Variants in RPL34 observed in about 807,000 individuals in gnomAD.
The protein encoded by RPL34 is ribosomal protein L34.
In RPL34, 2 loss-of-function variants were observed where a neutral mutation model predicts 16.3. The observed-to-expected ratio is 0.12, with a 90% CI of 0.05 to 0.39. RPL34 has a LOEUF of 0.39. Among genes scored for constraint, RPL34 ranks in the 10% least tolerant of loss-of-function variants. The pLI, the probability that RPL34 is intolerant of heterozygous loss-of-function variation, is 0.99. For synonymous variants in RPL34, 47 were observed against 48.5 expected (o/e 0.97, Z 0.13); for missense variants, 82 against 148.8 (o/e 0.55, Z 2.33).
downstream of RPL34, among the ~76,000 whole-genome samples, chr4:108,628,460 G>T (rs1726084292): frequency 6.6e-6 from 1 of 152,188 alleles, no homozygotes; most frequent in Non-Finnish European, 1.5e-5. Context: ...CTGTAGGCCA[G>T]TCTAGTTTTT....
downstream of RPL34, among the ~76,000 whole-genome samples, chr4:108,626,529 A>T (rs1043598084): frequency 6.8e-6 from 1 of 146,366 alleles, no homozygotes; most frequent in Non-Finnish European, 1.5e-5. Flanking sequence ...GCTCACTGCA[A>T]CCTCCACCTC....
At chr4:108,621,862 T>C in intron 1 of RPL34, 89 bp from the exon 2 acceptor site, 1 of 844,426 alleles carries the variant, frequency 1.2e-6, no homozygotes, top group Non-Finnish European at 2.0e-6. Flanking sequence ...AGGATATGTA[T>C]GTGAATGAAA....
downstream of RPL34, among the ~76,000 whole-genome samples, chr4:108,627,175 G>A (rs2110368286): frequency 6.6e-6 from 1 of 152,046 alleles, no homozygotes; most frequent in Admixed American, 6.5e-5. Context: ...GGAGGCAGAG[G>A]TTGCAGTAAG....
intron 1 of RPL34, 69 bp from the exon 2 acceptor site, chr4:108,621,880 CAT>C: frequency 1.0e-6 from 1 of 997,812 alleles, no homozygotes; most frequent in South Asian, 1.3e-5. Context: ...AAATAGACCA[CAT>C]GATACTGTTT....
intron 4 of RPL34, 168 bp downstream of exon 4, chr4:108,622,786 A>G (rs1338875258): frequency 4.2e-6 from 2 of 475,340 alleles, no homozygotes; most frequent in Non-Finnish European, 7.5e-6. Flanking sequence ...ATGATATTCA[A>G]AGTAATAATT....
chr4:108,624,349 G>T (rs1281031404), intron 4 of RPL34, among the ~76,000 whole-genome samples: 1 of 152,166 alleles, frequency 6.6e-6, no homozygotes, highest in Non-Finnish European at 1.5e-5. Context: ...TGAGGGTAGG[G>T]TTTGATAACC....
downstream of RPL34, among the ~76,000 whole-genome samples, chr4:108,625,998 G>T (rs755357851): frequency 6.6e-6 from 1 of 152,110 alleles, no homozygotes; most frequent in Non-Finnish European, 1.5e-5. Context: ...ATGGTATCTT[G>T]GAGAGCTCAG....
chr4:108,627,048 T>A (rs1033932989), downstream of RPL34, among the ~76,000 whole-genome samples: 1 of 151,946 alleles, frequency 6.6e-6, no homozygotes, highest in African/African-American at 2.4e-5. Flanking sequence ...GACCATCCTG[T>A]CTAGCACGGT....
At chr4:108,627,991 A>G (rs1726070963), downstream of RPL34, among the ~76,000 whole-genome samples, 1 of 152,198 alleles carries the variant, frequency 6.6e-6, no homozygotes. Context: ...GAACAGACAC[A>G]GGTTATAGAA....
At chr4:108,624,340 GA>G (rs1458705353) in intron 4 of RPL34, among the ~76,000 whole-genome samples, 1 of 152,296 alleles carries the variant, frequency 6.6e-6, no homozygotes, top group South Asian at 2.1e-4. Context: ...CCAGAGTTTT[GA>G]GGGTAGGGTT....
chr4:108,627,589 C>T (rs1239436824), downstream of RPL34, among the ~76,000 whole-genome samples: 1 of 151,854 alleles, frequency 6.6e-6, no homozygotes, highest in African/African-American at 2.4e-5. Flanking sequence ...CCGCCAGGCG[C>T]GGTGGCTCAC....
intron 1 of RPL34, chr4:108,621,113 T>G (rs1177759348): frequency 6.8e-6 from 1 of 147,762 alleles, no homozygotes; most frequent in Non-Finnish European, 1.5e-5. Context: ...TCACTCGCAC[T>G]GGTTTTACGT....
chr4:108,623,913 T>A (rs774244918), intron 4 of RPL34, among the ~76,000 whole-genome samples: 5 of 152,214 alleles, frequency 3.3e-5, no homozygotes, highest in African/African-American at 7.2e-5. Context: ...GCATTTGAGT[T>A]GGAACCTAAA....
downstream of RPL34, among the ~76,000 whole-genome samples, chr4:108,628,519 C>G (rs1014607479): frequency 6.6e-6 from 1 of 152,130 alleles, no homozygotes; most frequent in Admixed American, 6.5e-5. Flanking sequence ...GAAGAGAAAG[C>G]CTATTTGCCA....
At chr4:108,622,714 C>A in intron 4 of RPL34, 96 bp downstream of exon 4, 1 of 701,870 alleles carries the variant, frequency 1.4e-6, no homozygotes, top group East Asian at 2.7e-5. Flanking sequence ...TCATTTTAAA[C>A]CAGTTGCATG....
At chr4:108,628,506 G>C (rs545483873), downstream of RPL34, among the ~76,000 whole-genome samples, 1 of 152,328 alleles carries the variant, frequency 6.6e-6, no homozygotes, top group African/African-American at 2.4e-5. Flanking sequence ...AAAAATTGCT[G>C]TGGAAGAGAA....
chr4:108,622,474 T>C, intron 3 of RPL34, 41 bp from the exon 4 acceptor site: 1 of 1,485,538 alleles, frequency 6.7e-7, no homozygotes, highest in Non-Finnish European at 9.4e-7. Context: ...GGGAAATTTC[T>C]GTTAAAGCAT....
chr4:108,622,919 T>A, intron 4 of RPL34: 1 of 259,494 alleles, frequency 3.9e-6, no homozygotes, highest in Middle Eastern at 1.2e-3. Flanking sequence ...GTGTTAAAAG[T>A]GTAGGAACAG....
At chr4:108,626,447 CTTTTTTT>C (rs34343318), downstream of RPL34, among the ~76,000 whole-genome samples, 2 of 117,070 alleles carry the variant, frequency 1.7e-5, no homozygotes, top group African/African-American at 6.4e-5. Flanking sequence ...GGCTGACAAC[CTTTTTTT>C]TTTTTTTTTT....
Sources: allele counts gnomAD v4.1 joint callset (sites outside exome capture counted in the v4.1 genomes callset), GRCh38; gene constraint gnomAD v4.1.1; transcripts MANE v1.5; gene names NCBI Gene and HGNC (gene_info 2026-07-23, HGNC 2026-07-21).